The following ACYP2 variants were observed in gnomAD, a reference collection of about 807,000 sequenced individuals.
ACYP2 encodes acylphosphatase-2.
A neutral mutation model predicts 11.2 loss-of-function variants in ACYP2; 12 were observed. The ratio of observed to expected loss-of-function variants is 1.08; its 90% CI spans 0.69 to 1.74. ACYP2 has a LOEUF of 1.74. Among genes scored for constraint, ACYP2 ranks in the 40% most tolerant of loss-of-function variants. The pLI, the probability that ACYP2 is intolerant of heterozygous loss-of-function variation, is 0.00. For missense variants in ACYP2, 134 were observed against 101.9 expected, an observed-to-expected ratio of 1.31 and a Z score of -1.35; for synonymous variants, 43 against 32.2, an observed-to-expected ratio of 1.33 and a Z score of -1.13.
chr2:54,285,021 T>C (rs1249364158), intron 6 of ACYP2, among the ~76,000 whole-genome samples: 1 of 152,236 alleles, frequency 6.6e-6, no homozygotes, highest in African/African-American at 2.4e-5. Flanking sequence ...GTCTGGAGGC[T>C]GGGAAGTTCA....
intron 6 of ACYP2, among the ~76,000 whole-genome samples, chr2:54,277,281 C>A (rs1033741060): frequency 1.3e-5 from 2 of 152,184 alleles, no homozygotes; most frequent in African/African-American, 4.8e-5. Context: ...CCTTCCTTTT[C>A]CCTCCTAGGA....
At chr2:54,072,712 G>C (rs577028043) in intron 4 of ACYP2, among the ~76,000 whole-genome samples, 26 of 151,910 alleles carry the variant, frequency 1.7e-4, no homozygotes. Context: ...ACAGGCACGT[G>C]CCACTGTGCC....
chr2:54,021,112 G>A lies in ACYP2; in HGVS notation c.63-29846G>A, dbSNP rs556031487. Among the ~76,000 whole-genome samples, 17 of 152,216 alleles carry A rather than the reference G, an allele frequency of 1.1e-4. No homozygotes were observed. The South Asian group carries it at 1.9e-3, about 17-fold the overall frequency. On this transcript the variant is annotated intron_variant, in intron 2 of 6. Coordinates refer to ENST00000607452, the MANE Select transcript of ACYP2 (RefSeq NM_001320586.2). ...TTCCTCTCTTGGCTAGGGTTGAACCGCACAGTCTAAGCTAATTCTGATTGG... is the reference window on the plus strand; with the variant it reads ...TTCCTCTCTTGGCTAGGGTTGAACCACACAGTCTAAGCTAATTCTGATTGG...
chr2:54,018,122 G>C (rs776270520), intron 2 of ACYP2, among the ~76,000 whole-genome samples: 1 of 152,130 alleles, frequency 6.6e-6, no homozygotes, highest in Non-Finnish European at 1.5e-5. Context: ...CCCAGAGCAC[G>C]TTTTCTTCTG....
chr2:54,007,258 T>A (rs1673121767), intron 2 of ACYP2, among the ~76,000 whole-genome samples: 1 of 146,472 alleles, frequency 6.8e-6, no homozygotes, highest in African/African-American at 2.5e-5. Context: ...GGTTTTTCTT[T>A]TTTTTTTTTT....
At chr2:54,120,106 C>A (rs1680056881) in intron 4 of ACYP2, among the ~76,000 whole-genome samples, 2 of 152,210 alleles carry the variant, frequency 1.3e-5, no homozygotes, top group South Asian at 4.1e-4. Flanking sequence ...TTGATGTTAA[C>A]CTTGATCACC....
At chr2:54,293,450 G>A (rs548853417) in intron 6 of ACYP2, among the ~76,000 whole-genome samples, 5 of 152,274 alleles carry the variant, frequency 3.3e-5, no homozygotes, top group South Asian at 2.1e-4. Flanking sequence ...GGCTCTTCCA[G>A]ACTCTCACCC....
At chr2:54,036,441 A>G (rs1196208412) in intron 2 of ACYP2, among the ~76,000 whole-genome samples, 1 of 152,224 alleles carries the variant, frequency 6.6e-6, no homozygotes, top group East Asian at 1.9e-4. Flanking sequence ...TTCTGTGGGC[A>G]TCTTTGGGGG....
At chr2:54,270,531 T>A (rs1271149364) in intron 6 of ACYP2, among the ~76,000 whole-genome samples, 1 of 152,098 alleles carries the variant, frequency 6.6e-6, no homozygotes, top group Admixed American at 6.6e-5. Flanking sequence ...TCATTTGAGC[T>A]CAGTAGACGA....
At chr2:54,145,690 A>T (rs1681850059) in intron 6 of ACYP2, among the ~76,000 whole-genome samples, 1 of 152,216 alleles carries the variant, frequency 6.6e-6, no homozygotes, top group Admixed American at 6.5e-5. Flanking sequence ...TGGTCAAATG[A>T]TATTAAACTA....
chr2:54,034,381 A>G (rs533424043), intron 2 of ACYP2, among the ~76,000 whole-genome samples: 1 of 152,206 alleles, frequency 6.6e-6, no homozygotes, highest in Admixed American at 6.5e-5. Context: ...TAAGACTATA[A>G]TACTGTATTT....
At chr2:54,108,427 G>C (rs368922967) in intron 4 of ACYP2, among the ~76,000 whole-genome samples, 1 of 152,178 alleles carries the variant, frequency 6.6e-6, no homozygotes, top group African/African-American at 2.4e-5. Flanking sequence ...CCAGACCTGC[G>C]GGTAAATCTG....
At position 54,165,554 on chromosome 2, in the gene ACYP2, C is replaced by CAG. The variant is rs1244749881; in HGVS notation, c.404+26807_404+26808insGA. Among the ~76,000 whole-genome samples the CAG allele has an allele frequency of 2.4e-4, 36 of 151,718 alleles. 1 individual carries two copies. Among genetic ancestry groups the CAG allele is most frequent in the African/African-American group, 8.5e-4 (35 of 41,250 alleles). ...TCTCTCTCACACACACACACACACA[C>CAG]ACACACACACACACACACATTAGAG... On this transcript the variant is annotated intron_variant, in intron 6 of 6. Transcript: ENST00000607452.
intron 4 of ACYP2, chr2:54,084,671 A>G (rs1677852089): frequency 6.6e-6 from 1 of 152,208 alleles, no homozygotes; most frequent in Non-Finnish European, 1.5e-5. Context: ...CACATTCACA[A>G]CCACTGAAGC....
At chr2:54,166,071 G>A (rs1251717434) in intron 6 of ACYP2, among the ~76,000 whole-genome samples, 1 of 152,116 alleles carries the variant, frequency 6.6e-6, no homozygotes, top group African/African-American at 2.4e-5. Context: ...TGGTCCATTG[G>A]CTTAGTGGTG....
intron 6 of ACYP2, chr2:54,255,141 C>A: frequency 6.2e-7 from 1 of 1,614,194 alleles, no homozygotes; most frequent in African/African-American, 1.3e-5. Flanking sequence ...GAATGAAGGA[C>A]TGGGGTCCAT....
intron 5 of ACYP2, among the ~76,000 whole-genome samples, chr2:54,135,707 T>C (rs578067686): frequency 1.3e-5 from 2 of 152,248 alleles, no homozygotes; most frequent in East Asian, 1.9e-4. Context: ...GTACCTCTCT[T>C]TGGGTGATTT....
chr2:54,132,504 C>T (rs1680963992), intron 4 of ACYP2, among the ~76,000 whole-genome samples: 1 of 152,014 alleles, frequency 6.6e-6, no homozygotes, highest in Non-Finnish European at 1.5e-5. Context: ...AGTATACTAC[C>T]ATCAGGAAAC....
intron 6 of ACYP2, among the ~76,000 whole-genome samples, chr2:54,223,758 A>G (rs1685893904): frequency 6.6e-6 from 1 of 152,218 alleles, no homozygotes; most frequent in Admixed American, 6.5e-5. Context: ...AATTTTAATT[A>G]GTTCATCTTT....
Sources: gnomAD v4.1 joint callset for allele counts (sites outside exome capture counted in the v4.1 genomes callset) on GRCh38, gnomAD v4.1.1 for gene constraint, MANE v1.5 for transcripts, NCBI Gene and HGNC (gene_info 2026-07-23, HGNC 2026-07-21) for gene names.